The following CCDC141 variants were observed in gnomAD, a reference collection of about 807,000 sequenced individuals.
CCDC141 encodes coiled-coil domain-containing protein 141.
Under a neutral mutation model 181.0 loss-of-function variants are expected in CCDC141, and 168 were observed. The ratio of observed to expected loss-of-function variants is 0.93; its 90% CI spans 0.82 to 1.05. The LOEUF (loss-of-function observed/expected upper bound fraction) is 1.05, where lower values mean the gene tolerates loss of function less well. CCDC141 is among the 50% of genes least tolerant of loss of function. The pLI, the probability that CCDC141 is intolerant of heterozygous loss-of-function variation, is 0.00. For missense variants in CCDC141, 1,902 were observed against 1,788.5 expected, an observed-to-expected ratio of 1.06 and a Z score of -1.14; for synonymous variants, 666 against 642.3, an observed-to-expected ratio of 1.04 and a Z score of -0.56.
chr2:178,868,091 C>T lies in CCDC141; in HGVS notation c.2509G>A (p.Val837Ile). 1 of 1,614,028 alleles carries T rather than the reference C, an allele frequency of 6.2e-7. No homozygotes were observed. ...AGGGCCAGTCTGTGGAGATGGTCTA[C>T]ACGGGCTTGCTTTTCCTGAGAGCAC... The part of the protein sequence containing the change: ...LRCSQEKQAR[V>I]DHLHRLALSL... The change falls in exon 16 of 24, where the codon GTA becomes ATA. Residue 837 changes from valine (V) to isoleucine (I), a missense_variant. Coordinates refer to ENST00000443758, the MANE Select transcript of CCDC141 (RefSeq NM_173648.4).
At chr2:178,829,714 G>A (rs1214166002), downstream of CCDC141, 1 of 152,206 alleles carries the variant, frequency 6.6e-6, no homozygotes, top group Non-Finnish European at 1.5e-5. Flanking sequence ...ATGGAAAACA[G>A]TCTGTCATGC....
intron 6 of CCDC141, among the ~76,000 whole-genome samples, chr2:178,932,917 T>C (rs1456760418): frequency 2.6e-5 from 4 of 152,164 alleles, no homozygotes; most frequent in Admixed American, 2.0e-4. Context: ...TATTTATAAA[T>C]ATTTTTTAAC....
chr2:179,008,681 A>C (rs1262059513), intron 2 of CCDC141, among the ~76,000 whole-genome samples: 2 of 152,126 alleles, frequency 1.3e-5, no homozygotes, highest in Admixed American at 1.3e-4. Context: ...CTCCACATAT[A>C]TATTCTGGGG....
At chr2:178,925,616 C>T (rs1025844272) in intron 6 of CCDC141, among the ~76,000 whole-genome samples, 2 of 152,136 alleles carry the variant, frequency 1.3e-5, no homozygotes, top group South Asian at 2.1e-4. Context: ...GAACCATTTT[C>T]TTCTTTAGTG....
At chr2:178,949,376 G>T (rs969514198) in intron 5 of CCDC141, among the ~76,000 whole-genome samples, 8 of 152,144 alleles carry the variant, frequency 5.3e-5, no homozygotes, top group African/African-American at 1.9e-4. Context: ...TTCAACAGAT[G>T]AGGTAACAGT....
At chr2:178,848,062 C>A (rs985463775) in intron 21 of CCDC141, among the ~76,000 whole-genome samples, 1 of 152,106 alleles carries the variant, frequency 6.6e-6, no homozygotes, top group Admixed American at 6.6e-5. Flanking sequence ...TGGACTAAGA[C>A]AGGTAGGAAG....
At chr2:179,028,263 T>G (rs1482670498) in intron 2 of CCDC141, among the ~76,000 whole-genome samples, 1 of 152,214 alleles carries the variant, frequency 6.6e-6, no homozygotes, top group Non-Finnish European at 1.5e-5. Context: ...CTGTATCTCA[T>G]GGAAATTCAG....
At chr2:178,917,470 C>T (rs1474087239) in intron 7 of CCDC141, among the ~76,000 whole-genome samples, 5 of 152,122 alleles carry the variant, frequency 3.3e-5, no homozygotes, top group African/African-American at 1.2e-4. Flanking sequence ...AATTAAGTCA[C>T]TATTTTGATA....
At chr2:178,822,321 G>A in the CCDC141 span, among the ~76,000 whole-genome samples, 1 of 151,634 alleles carries the variant, frequency 6.6e-6, no homozygotes, top group Non-Finnish European at 1.5e-5. Flanking sequence ...ACGAGTTAAT[G>A]GGTGCAGCAC....
intron 5 of CCDC141, among the ~76,000 whole-genome samples, chr2:178,955,890 C>T (rs1483348994): frequency 3.3e-5 from 5 of 152,292 alleles, no homozygotes; most frequent in African/African-American, 9.6e-5. Context: ...TTTATCACAT[C>T]CTGTGAACTC....
intron 2 of CCDC141, among the ~76,000 whole-genome samples, chr2:179,026,969 C>T (rs1006447289): frequency 1.3e-5 from 2 of 152,224 alleles, no homozygotes; most frequent in Non-Finnish European, 2.9e-5. Context: ...TTGCCCAATG[C>T]CTGTACCTTC....
chr2:179,032,676 A>G (rs2043032786), intron 2 of CCDC141, among the ~76,000 whole-genome samples: 1 of 152,098 alleles, frequency 6.6e-6, no homozygotes. Flanking sequence ...TCCTTGTCAT[A>G]CATGTATTCC....
intron 7 of CCDC141, among the ~76,000 whole-genome samples, chr2:178,915,589 G>C (rs999205508): frequency 1.3e-5 from 2 of 152,208 alleles, no homozygotes; most frequent in African/African-American, 2.4e-5. Flanking sequence ...GATTTTCAAG[G>C]AAAGTACCTT....
chr2:178,987,077 G>T lies in CCDC141; in HGVS notation c.226-8402C>A, dbSNP rs370806108. ...ACCTGACTTCAAACTATACTACAAG[G>T]CTACAGTAACCAAAACAGCATGGTA... On this transcript the variant is annotated intron_variant, in intron 2 of 23. Coordinates refer to ENST00000443758, the MANE Select transcript of CCDC141 (RefSeq NM_173648.4). Among the ~76,000 whole-genome samples the T allele has an allele frequency of 3.6e-3, 527 of 146,998 alleles. 20 individuals carry two copies. In the East Asian group the frequency reaches 0.093, roughly 26 times the overall value.
intron 2 of CCDC141, among the ~76,000 whole-genome samples, chr2:179,040,169 T>C (rs2043256766): frequency 6.6e-6 from 1 of 152,176 alleles, no homozygotes; most frequent in Non-Finnish European, 1.5e-5. Context: ...GGAGGGAGAC[T>C]GGCACATTGT....
intron 2 of CCDC141, among the ~76,000 whole-genome samples, chr2:178,991,097 A>C (rs929800056): frequency 6.6e-6 from 1 of 152,166 alleles, no homozygotes; most frequent in Non-Finnish European, 1.5e-5. Context: ...CAACTCTGAG[A>C]CTAGTTTTGC....
At chr2:178,826,079 C>G (rs1302670649), downstream of CCDC141, among the ~76,000 whole-genome samples, 1 of 152,148 alleles carries the variant, frequency 6.6e-6, no homozygotes, top group Non-Finnish European at 1.5e-5. Context: ...TGTTCTTTAT[C>G]AAGCTGAGGA....
chr2:178,861,032 T>C (rs1485907771), intron 17 of CCDC141, among the ~76,000 whole-genome samples: 1 of 152,206 alleles, frequency 6.6e-6, no homozygotes, highest in Non-Finnish European at 1.5e-5. Context: ...TTAGAGCAAA[T>C]TGTAATCTTT....
chr2:178,867,910 G>T, intron 16 of CCDC141, 116 bp downstream of exon 16: 1 of 786,668 alleles, frequency 1.3e-6, no homozygotes, highest in Non-Finnish European at 1.9e-6. Flanking sequence ...CTACCCCAAT[G>T]GTTTAGTTTA....
Sources: gnomAD v4.1 joint callset for allele counts (sites outside exome capture counted in the v4.1 genomes callset) on GRCh38, gnomAD v4.1.1 for gene constraint, MANE v1.5 for transcripts, NCBI Gene and HGNC (gene_info 2026-07-23, HGNC 2026-07-21) for gene names.